NCAPG: variants seen among roughly 807,000 people sequenced by gnomAD.
NCAPG encodes condensin complex subunit 3.
A neutral mutation model predicts 113.1 loss-of-function variants in NCAPG; 69 were observed. The ratio of observed to expected loss-of-function variants is 0.61; its 90% CI spans 0.50 to 0.75. NCAPG has a LOEUF of 0.75. Among genes scored for constraint, NCAPG ranks in the 30% least tolerant of loss-of-function variants. The pLI, the probability that NCAPG is intolerant of heterozygous loss-of-function variation, is 0.00. For missense variants in NCAPG, 1,058 were observed against 1,177.0 expected (o/e 0.90, Z 1.48); for synonymous variants, 370 against 415.8 (o/e 0.89, Z 1.34).
At chr4:17,842,139 C>T (rs2109073048) in intron 19 of NCAPG, 171 bp from the exon 20 acceptor site, 1 of 547,192 alleles carries the variant, frequency 1.8e-6, no homozygotes, top group Non-Finnish European at 3.3e-6. Context: ...GCTTGGGTTC[C>T]TTTTTCTGTG....
In NCAPG at chr4:17,842,452, T is replaced by C. The variant is rs1577217963; in HGVS notation, c.2924+73T>C. ...ATTTCTACAAGTAGAAAAAAACTAATTTTCTTGCGAATGAGAGAGAATATA... is the reference window on the plus strand; with the variant it reads ...ATTTCTACAAGTAGAAAAAAACTAACTTTCTTGCGAATGAGAGAGAATATA... On this transcript the variant is annotated intron_variant, in intron 20 of 20. Transcript: ENST00000251496. 1.1e-5 allele frequency: 14 copies of C among 1,228,676 alleles called. No individual in the cohort carries two copies. The East Asian group carries it at 3.4e-4, about 30-fold the overall frequency. 76.1% of individuals were successfully genotyped at this position (1,228,676 alleles called of 1,614,324 possible).
Position 17,843,512 on chromosome 4 carries a change from A to C in NCAPG, c.*87A>C. On this transcript the variant is annotated 3_prime_UTR_variant, in exon 21 of 21. Coordinates refer to ENST00000251496, the MANE Select transcript of NCAPG (RefSeq NM_022346.5). Reference sequence around the variant, plus strand: ...AAGTTACCCTTGTCAAAATCAGAACAAACCTGATGTCTTTCTGAAGATTTT... The same window carrying C: ...AAGTTACCCTTGTCAAAATCAGAACCAACCTGATGTCTTTCTGAAGATTTT... The C allele has an allele frequency of 6.9e-7, 1 of 1,440,766 alleles. No individual in the cohort carries two copies. The highest frequency in any genetic ancestry group is 9.5e-7 in the Non-Finnish European group (1 of 1,050,892). The allele number at this position is 1,440,766 out of a possible 1,614,324, so 89.2% of individuals were successfully genotyped here.
intron 11 of NCAPG, among the ~76,000 whole-genome samples, chr4:17,825,810 T>G (rs943655019): frequency 2.0e-5 from 3 of 152,076 alleles, no homozygotes; most frequent in Non-Finnish European, 4.4e-5. Flanking sequence ...GAATCCGAAG[T>G]CTTTCTTACC....
rs61387134 is a variant in NCAPG at position 17,812,512 on chromosome 4, T to C, written c.315+88T>C. On this transcript the variant is annotated intron_variant, in intron 2 of 20. Coordinates refer to ENST00000251496, the MANE Select transcript of NCAPG (RefSeq NM_022346.5). ...GTGGGAGTTTGTATGTTTTTGACAA[T>C]GAAATATCTAGTGATTGAAAAAACC... The C allele has an allele frequency of 2.4e-3, 2,220 of 934,476 alleles. 35 individuals are homozygous for C. In the African/African-American group the frequency reaches 0.031, roughly 13 times the overall value. 57.9% of individuals were successfully genotyped at this position (934,476 alleles called of 1,614,324 possible).
At chr4:17,823,144 T>A (rs1721527887) in intron 8 of NCAPG, 21 bp downstream of exon 8, 1 of 1,592,884 alleles carries the variant, frequency 6.3e-7, no homozygotes, top group South Asian at 1.1e-5. Flanking sequence ...ATGTTAACAC[T>A]CATTCTAATT....
Position 17,834,379 on chromosome 4 carries a change from A to AC in NCAPG, c.1967dup (p.Phe657IlefsTer2), listed in dbSNP as rs1296636673. On this transcript the variant is annotated frameshift_variant, in exon 14 of 21. Coordinates refer to ENST00000251496, the MANE Select transcript of NCAPG (RefSeq NM_022346.5). LOFTEE classifies it high-confidence loss of function. ...ACCAACTGATGACGTTCGGGATTGA[A>AC]CCATTTAAAACTAAAAAAATCAAAA... 1 of 1,610,270 alleles carries AC rather than the reference A, an allele frequency of 6.2e-7. No individual in the cohort carries two copies. The highest frequency in any genetic ancestry group is 8.5e-7 in the Non-Finnish European group (1 of 1,178,000).
chr4:17,842,300 T>A lies in NCAPG; in HGVS notation c.2855-10T>A. 6.2e-7 allele frequency: 1 copy of A among 1,610,352 alleles called. No homozygotes were observed. Among genetic ancestry groups the A allele is most frequent in the Non-Finnish European group, 8.5e-7 (1 of 1,177,098 alleles). On this transcript the variant is annotated splice_polypyrimidine_tract_variant and intron_variant, in intron 19 of 20. Transcript: ENST00000251496. ...AATAAATCCTGATAATGAATTATACTATCTTCAAGGACAGAGAAAAGTGAC... is the reference window on the plus strand; with the variant it reads ...AATAAATCCTGATAATGAATTATACAATCTTCAAGGACAGAGAAAAGTGAC...
At chr4:17,842,628 T>G (rs1722526524) in intron 20 of NCAPG, 1 of 371,468 alleles carries the variant, frequency 2.7e-6, no homozygotes, top group Non-Finnish European at 5.0e-6. Flanking sequence ...TTTCAATTTT[T>G]AATTACATGA....
chr4:17,822,999 CCAGTTGTTAATGAAGAA>C lies in NCAPG; in HGVS notation c.1138_1154del (p.Val380GlnfsTer3), dbSNP rs1721521052. 1 of 1,603,480 alleles carries C rather than the reference CCAGTTGTTAATGAAGAA, an allele frequency of 6.2e-7. No homozygotes were observed. Among genetic ancestry groups the C allele is most frequent in the African/African-American group, 1.3e-5 (1 of 74,096 alleles). ...TTGTTTTAGTTACATCCAGAGCATT[CCAGTTGTTAATGAAGAA>C]CACAGAGGTGATTTTTCCTATATTG... On this transcript the variant is annotated frameshift_variant, in exon 8 of 21. Transcript: ENST00000251496. LOFTEE classifies it high-confidence loss of function.
chr4:17,819,126 T>C (rs923233833), intron 7 of NCAPG, among the ~76,000 whole-genome samples: 2 of 152,138 alleles, frequency 1.3e-5, no homozygotes, highest in Non-Finnish European at 2.9e-5. Context: ...TCATTATATA[T>C]TGGTGCATAT....
rs1379653386 is a variant in NCAPG, at chr4:17,811,414, G to A, written c.111+226G>A. Among the ~76,000 whole-genome samples the A allele has an allele frequency of 2.0e-5, 3 of 152,202 alleles. No homozygotes were observed. Among genetic ancestry groups the A allele is most frequent in the Non-Finnish European group, 4.4e-5 (3 of 68,036 alleles). On this transcript the variant is annotated intron_variant, in intron 1 of 20. Coordinates refer to ENST00000251496, the MANE Select transcript of NCAPG (RefSeq NM_022346.5). The surrounding 1 kb of genome is among the most constrained non-coding windows in gnomAD (Gnocchi z 5.3). ...CCTGGGCGTCGTTCACACGGGCCCCGCCTTGGCTTTTCTGAGCCGACACCC... is the reference window on the plus strand; with the variant it reads ...CCTGGGCGTCGTTCACACGGGCCCCACCTTGGCTTTTCTGAGCCGACACCC...
At position 17,839,385 on chromosome 4, in the gene NCAPG, G is replaced by C. The variant is rs149878075; in HGVS notation, c.2467-291G>C. ...CACCAAAGTCCACCATTGTCAGCCT[G>C]GATCAGTACTGCAGCTGGGAACTTT... On this transcript the variant is annotated intron_variant, in intron 16 of 20. Coordinates refer to ENST00000251496, the MANE Select transcript of NCAPG (RefSeq NM_022346.5). 1.9e-3 allele frequency among the ~76,000 whole-genome samples: 296 copies of C among 152,250 alleles called. 3 individuals are homozygous for C. The highest frequency in any genetic ancestry group is 6.8e-3 in the African/African-American group (281 of 41,540).
At chr4:17,824,929 T>C in intron 9 of NCAPG, 39 bp from the exon 10 acceptor site, 1 of 1,430,520 alleles carries the variant, frequency 7.0e-7, no homozygotes, top group East Asian at 2.3e-5. Context: ...TTTGCTGATA[T>C]ATCAAACATA....
chr4:17,826,188 G>A (rs1675940152), intron 11 of NCAPG, among the ~76,000 whole-genome samples: 1 of 152,036 alleles, frequency 6.6e-6, no homozygotes, highest in Admixed American at 6.5e-5. Flanking sequence ...ATACCATTCT[G>A]TCTTACAACA....
At chr4:17,840,440 GCTT>G (rs977167199) in intron 18 of NCAPG, among the ~76,000 whole-genome samples, 164 bp from the exon 19 acceptor site, 1 of 151,716 alleles carries the variant, frequency 6.6e-6, no homozygotes, top group African/African-American at 2.4e-5. Context: ...TAAGAGTTTT[GCTT>G]CTTTTTCCAA....
chr4:17,822,251 T>C (rs1051499993), intron 7 of NCAPG, among the ~76,000 whole-genome samples: 1 of 146,374 alleles, frequency 6.8e-6, no homozygotes, highest in Non-Finnish European at 1.5e-5. Context: ...TAGAGTGCAG[T>C]GGTGCGATCT....
intron 14 of NCAPG, 60 bp downstream of exon 14, chr4:17,834,583 T>C: frequency 1.8e-6 from 2 of 1,108,276 alleles, no homozygotes; most frequent in Non-Finnish European, 2.4e-6. Context: ...ATTTGTTTAT[T>C]ATTATTATTT....
chr4:17,813,104 G>T lies in NCAPG; in HGVS notation c.503G>T (p.Arg168Leu), dbSNP rs778696008. 2 of 1,613,968 alleles carry T rather than the reference G, an allele frequency of 1.2e-6. No individual in the cohort carries two copies. The highest frequency in any genetic ancestry group is 2.2e-5 in the South Asian group (2 of 91,046). ...ATACAGGCAGTTCTGGCGCTTTCAC[G>T]ACTTCAGGATCCCAAGGATGATGAA... is the stretch of plus-strand genomic sequence containing the variant. ...VRIQAVLALS[R>L]LQDPKDDECP... Residue 168 changes from arginine (R) to leucine (L), a missense_variant, in exon 3 of 21, where the codon CGA becomes CTA. Coordinates refer to ENST00000251496, the MANE Select transcript of NCAPG (RefSeq NM_022346.5).
chr4:17,833,797 C>T (rs1164698277), intron 13 of NCAPG, among the ~76,000 whole-genome samples: 2 of 151,866 alleles, frequency 1.3e-5, no homozygotes, highest in African/African-American at 4.8e-5. Flanking sequence ...TTAAGGAATT[C>T]TAAATTCATT....
Sources: gnomAD v4.1 joint callset for allele counts (sites outside exome capture counted in the v4.1 genomes callset) on GRCh38, gnomAD v4.1.1 for gene constraint, Gnocchi (gnomAD v3.1) non-coding constraint, MANE v1.5 for transcripts, NCBI Gene and HGNC (gene_info 2026-07-23, HGNC 2026-07-21) for gene names.